The following DLG2 variants were observed in gnomAD, a reference collection of about 807,000 sequenced individuals.
DLG2 encodes the protein disks large homolog 2.
DLG2 carries 45 observed loss-of-function variants against 132.5 expected under a neutral mutation model. The observed-to-expected ratio is 0.34, with a 90% confidence interval of 0.27 to 0.44. The LOEUF (loss-of-function observed/expected upper bound fraction) is 0.44. DLG2 is among the 20% of genes least tolerant of loss of function. The pLI is 1.00. For synonymous variants in DLG2, 424 were observed against 419.6 expected (o/e 1.01, Z -0.13); for missense variants, 1,045 against 1,196.9 (o/e 0.87, Z 1.87).
chr11:85,542,322 T>A (rs2076022800), intron 3 of DLG2, among the ~76,000 whole-genome samples: 1 of 152,036 alleles, frequency 6.6e-6, no homozygotes, highest in Non-Finnish European at 1.5e-5. Flanking sequence ...GTTGGAGAAC[T>A]CCCCCACGGA....
intron 3 of DLG2, among the ~76,000 whole-genome samples, chr11:85,422,140 G>T (rs1236745787): frequency 6.6e-6 from 1 of 152,100 alleles, no homozygotes; most frequent in Non-Finnish European, 1.5e-5. Context: ...CTTAACTTTA[G>T]ATAACCTGAT....
chr11:84,688,340 T>C (rs2099739910), intron 6 of DLG2, among the ~76,000 whole-genome samples: 1 of 152,186 alleles, frequency 6.6e-6, no homozygotes, highest in South Asian at 2.1e-4. Context: ...TAAATCACTG[T>C]ATTAAAATTA....
intron 7 of DLG2, among the ~76,000 whole-genome samples, chr11:84,376,598 C>A (rs1055121173): frequency 6.6e-6 from 1 of 151,628 alleles, no homozygotes; most frequent in African/African-American, 2.4e-5. Context: ...ATACGAAACC[C>A]AAGTATAGTG....
intron 6 of DLG2, among the ~76,000 whole-genome samples, chr11:84,668,806 A>T (rs367960546): frequency 2.0e-5 from 3 of 152,298 alleles, no homozygotes; most frequent in South Asian, 2.1e-4. Flanking sequence ...ATATTTTTAC[A>T]TTCAATTTTT....
chr11:84,383,888 G>A (rs2098757984), intron 7 of DLG2, among the ~76,000 whole-genome samples: 1 of 152,002 alleles, frequency 6.6e-6, no homozygotes, highest in East Asian at 1.9e-4. Context: ...GGGACTGTTC[G>A]TGGAAATGTG....
chr11:84,284,451 G>A (rs953491273), intron 7 of DLG2, among the ~76,000 whole-genome samples: 5 of 152,278 alleles, frequency 3.3e-5, no homozygotes, highest in Admixed American at 2.0e-4. Context: ...TAAGAGACGC[G>A]AGTCATCGTA....
chr11:85,193,332 T>C (rs1416950172), intron 4 of DLG2, among the ~76,000 whole-genome samples: 1 of 152,146 alleles, frequency 6.6e-6, no homozygotes, highest in African/African-American at 2.4e-5. Context: ...AGCACGAGGG[T>C]TATCTCTATT....
At position 84,300,567 on chromosome 11, in the gene DLG2, T is replaced by TTTCC. The variant is rs753607082; in HGVS notation, c.520-49280_520-49277dup. On this transcript the variant is annotated intron_variant, in intron 7 of 27. Coordinates refer to ENST00000376104, the MANE Select transcript of DLG2 (RefSeq NM_001142699.3). ...ATTTATTTCCTTAATTCCTTCCTAC[T>TTTCC]TTCCTTCCTTCCTTCCTTCATTCCT... Among the ~76,000 whole-genome samples, 607 of 152,226 alleles carry TTTCC rather than the reference T, an allele frequency of 4.0e-3. 4 individuals carry two copies. The highest frequency in any genetic ancestry group is 0.02 in the Middle Eastern group (6 of 294).
At chr11:84,130,074 A>G (rs1242080162) in intron 9 of DLG2, among the ~76,000 whole-genome samples, 3 of 152,036 alleles carry the variant, frequency 2.0e-5, no homozygotes, top group Non-Finnish European at 4.4e-5. Flanking sequence ...TTTATCAATT[A>G]AAAAGGTATT....
intron 6 of DLG2, among the ~76,000 whole-genome samples, chr11:84,791,871 C>T (rs1403515179): frequency 6.6e-6 from 1 of 152,098 alleles, no homozygotes; most frequent in Non-Finnish European, 1.5e-5. Flanking sequence ...ATTATATCAT[C>T]TACAAACAAG....
intron 3 of DLG2, among the ~76,000 whole-genome samples, chr11:85,503,766 T>C (rs756829568): frequency 1.5e-4 from 23 of 152,090 alleles, no homozygotes; most frequent in Admixed American, 1.2e-3. Context: ...ACATTATTTC[T>C]ACTAAAAATC....
intron 7 of DLG2, among the ~76,000 whole-genome samples, chr11:84,312,255 G>T (rs550680853): frequency 1.3e-5 from 2 of 152,130 alleles, no homozygotes; most frequent in African/African-American, 2.4e-5. Flanking sequence ...GCAGATCACA[G>T]GTCAGGAGTT....
intron 6 of DLG2, among the ~76,000 whole-genome samples, chr11:84,970,087 A>G (rs1055122153): frequency 6.6e-6 from 1 of 152,116 alleles, no homozygotes. Context: ...TGATGGGTGC[A>G]GCAAACCACC....
chr11:84,865,491 C>G (rs771178911), intron 6 of DLG2, among the ~76,000 whole-genome samples: 3 of 152,136 alleles, frequency 2.0e-5, no homozygotes, highest in Non-Finnish European at 4.4e-5. Flanking sequence ...CAGAATGGCC[C>G]TATGCTTTGG....
intron 6 of DLG2, among the ~76,000 whole-genome samples, chr11:84,903,897 T>C (rs552733851): frequency 6.6e-6 from 1 of 152,242 alleles, no homozygotes; most frequent in African/African-American, 2.4e-5. Context: ...ATTCTTAATA[T>C]GTAAAAAAGT....
rs185772132 is a variant in DLG2 at position 83,996,520 on chromosome 11, T to C, written c.920-15878A>G. On this transcript the variant is annotated intron_variant, in intron 11 of 27. Transcript: ENST00000376104. ...TACTGAAGCGATATCTGCACTCTCA[T>C]GCTTATTGCAGCACTATTTACAATA... Among the ~76,000 whole-genome samples, 668 of 152,326 alleles carry C rather than the reference T, an allele frequency of 4.4e-3. 2 individuals carry two copies. The highest frequency in any genetic ancestry group is 8.2e-3 in the Non-Finnish European group (559 of 68,016).
At chr11:84,863,112 A>G (rs1300891324) in intron 6 of DLG2, among the ~76,000 whole-genome samples, 1 of 151,988 alleles carries the variant, frequency 6.6e-6, no homozygotes. Context: ...TACGTATTTA[A>G]TGTAGATCCT....
At chr11:85,513,109 C>A (rs1211344300) in intron 3 of DLG2, among the ~76,000 whole-genome samples, 1 of 151,960 alleles carries the variant, frequency 6.6e-6, no homozygotes, top group African/African-American at 2.4e-5. Flanking sequence ...CAAAACACAG[C>A]ATATTCTCAC....
intron 7 of DLG2, among the ~76,000 whole-genome samples, chr11:84,343,782 C>T (rs548219313): frequency 3.3e-5 from 5 of 152,194 alleles, no homozygotes; most frequent in Non-Finnish European, 4.4e-5. Flanking sequence ...TTCTTACATC[C>T]ACCTAATTGA....
Sources: allele counts gnomAD v4.1 joint callset (sites outside exome capture counted in the v4.1 genomes callset), GRCh38; gene constraint gnomAD v4.1.1; transcripts MANE v1.5; gene names NCBI Gene and HGNC (gene_info 2026-07-23, HGNC 2026-07-21).